Variants in WDFY4 observed in about 807,000 individuals in gnomAD.
WDFY4 encodes WDFY family member 4, also known as WD repeat- and FYVE domain-containing protein 4.
Under a neutral mutation model 351.9 loss-of-function variants are expected in WDFY4, and 169 were observed. That is an observed-to-expected ratio of 0.48 (90% CI 0.42 to 0.55). The LOEUF (loss-of-function observed/expected upper bound fraction) is 0.55. WDFY4 is among the 20% of genes least tolerant of loss of function. The pLI is 0.00. For synonymous variants in WDFY4, 1,622 were observed against 1,574.6 expected (o/e 1.03, Z -0.71); for missense variants, 3,803 against 3,935.6 (o/e 0.97, Z 0.90).
chr10:48,959,666 C>T (rs1841769549), intron 52 of WDFY4, 56 bp from the exon 53 acceptor site: 12 of 1,480,194 alleles, frequency 8.1e-6, no homozygotes. Flanking sequence ...TTACATCCCC[C>T]AGTTCCTAGC....
intron 39 of WDFY4, among the ~76,000 whole-genome samples, chr10:48,856,583 A>G: frequency 6.6e-6 from 1 of 152,178 alleles, no homozygotes; most frequent in South Asian, 2.1e-4. Flanking sequence ...TAAGGAAATT[A>G]TATTCTTCTT....
At chr10:48,888,889 T>C (rs1263588418) in intron 43 of WDFY4, among the ~76,000 whole-genome samples, 4 of 152,218 alleles carry the variant, frequency 2.6e-5, no homozygotes, top group Non-Finnish European at 5.9e-5. Context: ...GGTTTTTCTC[T>C]CTTAGCATGT....
intron 39 of WDFY4, among the ~76,000 whole-genome samples, chr10:48,861,168 C>A (rs2069329126): frequency 6.6e-6 from 1 of 152,134 alleles, no homozygotes; most frequent in Admixed American, 6.5e-5. Context: ...TTTAAAATCA[C>A]ACAGTGTTAT....
chr10:48,814,263 T>A (rs1328844913), intron 31 of WDFY4, among the ~76,000 whole-genome samples, 181 bp downstream of exon 31: 1 of 152,244 alleles, frequency 6.6e-6, no homozygotes, highest in Admixed American at 6.5e-5. Context: ...ACCCAGCCTA[T>A]AGGTCTCTGA....
intron 40 of WDFY4, among the ~76,000 whole-genome samples, chr10:48,870,059 G>A (rs1564433714): frequency 6.6e-6 from 1 of 152,164 alleles, no homozygotes; most frequent in Non-Finnish European, 1.5e-5. Flanking sequence ...CCCAGCCCTA[G>A]GGGGTGGTGC....
intron 32 of WDFY4, 121 bp from the exon 33 acceptor site, chr10:48,820,113 C>T (rs2067765299): frequency 9.7e-6 from 11 of 1,134,420 alleles, no homozygotes; most frequent in Non-Finnish European, 1.4e-5. Flanking sequence ...CTGTGCGGAG[C>T]CTCAATTTCC....
intron 25 of WDFY4, among the ~76,000 whole-genome samples, chr10:48,804,369 G>A (rs545114670): frequency 6.6e-6 from 1 of 152,262 alleles, no homozygotes; most frequent in Admixed American, 6.5e-5. Flanking sequence ...CTGATAAAAA[G>A]AGAATACAGA....
intron 24 of WDFY4, among the ~76,000 whole-genome samples, chr10:48,803,013 G>T (rs1316446366): frequency 6.6e-6 from 1 of 152,192 alleles, no homozygotes; most frequent in Non-Finnish European, 1.5e-5. Flanking sequence ...CTGAGCAGAT[G>T]GGGGAGATGG....
At chr10:48,900,396 G>T (rs1279181300) in intron 46 of WDFY4, 90 bp downstream of exon 46, 66 of 1,286,704 alleles carry the variant, frequency 5.1e-5, no homozygotes, top group Non-Finnish European at 6.9e-5. Flanking sequence ...CTCAGGAAAA[G>T]TGTTCTCAAC....
At chr10:48,937,270 T>C (rs1345375390) in intron 47 of WDFY4, among the ~76,000 whole-genome samples, 2 of 152,232 alleles carry the variant, frequency 1.3e-5, no homozygotes, top group Non-Finnish European at 1.5e-5. Context: ...AATTTACTAA[T>C]GCTCATTTTT....
At chr10:48,800,700 TTC>T (rs2067045373) in intron 24 of WDFY4, among the ~76,000 whole-genome samples, 1 of 139,342 alleles carries the variant, frequency 7.2e-6, no homozygotes, top group African/African-American at 2.8e-5. Flanking sequence ...CTTTCTTTCT[TTC>T]TTTCTTTCTT....
Position 48,873,695 on chromosome 10 carries a change from A to C in WDFY4, c.6946A>C (p.Lys2316Gln). 2 of 1,551,668 alleles carry C rather than the reference A, an allele frequency of 1.3e-6. No homozygotes were observed. The highest frequency in any genetic ancestry group is 1.7e-6 in the Non-Finnish European group (2 of 1,146,992). ...PLEALSSGRH[K>Q]ESQDKNDHIS... ...GGAGGCCCTGAGCTCAGGAAGGCAC[A>C]AGGTAGGAGTCAGGCGCAGTGGGAC... The change falls in exon 41 of 62, where the codon AAG (lysine) becomes CAG (glutamine). Residue 2316 changes from lysine to glutamine, a missense_variant and splice_region_variant. Physicochemically the swap from Lys to Gln is moderately conservative, Grantham distance 53. Around this residue, in one of 3 missense-constraint regions of WDFY4, gnomAD observed 3,054 missense variants for 3,148.6 expected, o/e 0.97. Coordinates refer to ENST00000325239, the MANE Select transcript of WDFY4 (RefSeq NM_001394531.1).
intron 3 of WDFY4, among the ~76,000 whole-genome samples, chr10:48,720,661 C>T (rs2064054353): frequency 1.3e-5 from 2 of 152,128 alleles, no homozygotes; most frequent in Non-Finnish European, 2.9e-5. Flanking sequence ...CAGACACACA[C>T]ACAGAACACA....
chr10:48,830,950 G>A, intron 38 of WDFY4, 65 bp downstream of exon 38: 2 of 1,491,390 alleles, frequency 1.3e-6, no homozygotes, highest in South Asian at 2.6e-5. Flanking sequence ...ACTCCCGCAA[G>A]GTTCAACTCA....
chr10:48,691,556 C>T (rs760942350), intron 1 of WDFY4, among the ~76,000 whole-genome samples: 1 of 152,238 alleles, frequency 6.6e-6, no homozygotes, highest in Non-Finnish European at 1.5e-5. Flanking sequence ...TGCCTCCTCC[C>T]CTTGCCCTCC....
At chr10:48,799,888 GT>G (rs1201276978) in intron 24 of WDFY4, among the ~76,000 whole-genome samples, 1 of 152,026 alleles carries the variant, frequency 6.6e-6, no homozygotes, top group African/African-American at 2.4e-5. Context: ...TTGGGTTTTT[GT>G]TTTTTGTTTT....
chr10:48,875,646 C>A lies in WDFY4; in HGVS notation c.7000+506C>A, dbSNP rs557207183. ...CCCAGGCTGGTCTCCAACTCCTAAG[C>A]TCAAGTGATCCACCTGCCTTGGCCT... On this transcript the variant is annotated intron_variant, in intron 42 of 61. Coordinates refer to ENST00000325239, the MANE Select transcript of WDFY4 (RefSeq NM_001394531.1). Among the ~76,000 whole-genome samples the A allele has an allele frequency of 6.6e-5, 10 of 152,330 alleles. No individual in the cohort carries two copies. In the South Asian group the frequency reaches 2.1e-3, roughly 32 times the overall value.
intron 53 of WDFY4, 145 bp downstream of exon 53, chr10:48,959,958 T>C: frequency 4.1e-6 from 3 of 740,524 alleles, no homozygotes; most frequent in Admixed American, 3.1e-5. Flanking sequence ...ATGGGGTCTA[T>C]ACCTTAGGTT....
chr10:48,768,579 G>T (rs538587904), intron 13 of WDFY4, among the ~76,000 whole-genome samples: 2 of 152,086 alleles, frequency 1.3e-5, no homozygotes, highest in Non-Finnish European at 2.9e-5. Context: ...TGGGTTAGGC[G>T]CGCCTATTGT....
Sources: gnomAD v4.1 joint callset for allele counts (sites outside exome capture counted in the v4.1 genomes callset) on GRCh38, gnomAD v4.1.1 for gene constraint, gnomAD v4.1.1 regional missense constraint, MANE v1.5 for transcripts, NCBI Gene and HGNC (gene_info 2026-07-23, HGNC 2026-07-21) for gene names.